The following SH3RF2 variants were observed in gnomAD, a reference collection of about 807,000 sequenced individuals.
The protein encoded by SH3RF2 is SH3 domain containing ring finger 2, also known as E3 ubiquitin-protein ligase SH3RF2.
SH3RF2 carries 43 observed loss-of-function variants against 59.0 expected under a neutral mutation model. That is an observed-to-expected ratio of 0.73 (90% confidence interval 0.57 to 0.94). The LOEUF is 0.94. Among genes scored for constraint, SH3RF2 ranks in the 40% least tolerant of loss-of-function variants. SH3RF2 has a pLI of 0.00. For synonymous variants in SH3RF2, 391 were observed against 391.5 expected (o/e 1.00, Z 0.01); for missense variants, 930 against 940.1 (o/e 0.99, Z 0.14).
At chr5:145,998,114 T>G (rs887980733) in intron 2 of SH3RF2, 2 of 495,476 alleles carry the variant, frequency 4.0e-6, no homozygotes, top group African/African-American at 1.9e-5. Context: ...CATAGAGTAT[T>G]ATTTAAACCA....
At chr5:146,074,663 C>G (rs1763306937) in intron 9 of SH3RF2, among the ~76,000 whole-genome samples, 1 of 152,104 alleles carries the variant, frequency 6.6e-6, no homozygotes, top group Non-Finnish European at 1.5e-5. Flanking sequence ...AATATAATTT[C>G]CTTCGTTATC....
rs1233044439 is a variant in SH3RF2, at chr5:146,049,104, A to G, written c.1181A>G (p.His394Arg). 2.5e-6 allele frequency: 4 copies of G among 1,613,940 alleles called. No homozygotes were observed. The Admixed American group carries it at 5.0e-5, about 20-fold the overall frequency. ...GTAGCCCTGCACTCCTACTCAGCCC[A>G]TGGACCCGATGAGCTGGACCTGCAA... ...MFVALHSYSA[H>R]GPDELDLQKG... is the part of the protein sequence containing the mutation. Residue 394 changes from histidine (H) to arginine (R), a missense_variant, in exon 7 of 10, where the codon CAT (histidine) becomes CGT (arginine). By Grantham distance (29) the His-to-Arg change is conservative. Transcript: ENST00000359120.
rs376465734 is a variant in SH3RF2, at chr5:146,059,999, C to G, written c.1689C>G (p.Pro563=). 10 of 1,597,564 alleles carry G rather than the reference C, an allele frequency of 6.3e-6. No individual in the cohort carries two copies. Among genetic ancestry groups the G allele is most frequent in the African/African-American group, 5.4e-5 (4 of 74,522 alleles). ...FYQPQGIPSS[P]SAVVVEMGSK... is the part of the protein sequence containing the mutation. ...AGCCACAGGGGATCCCCTCCTCCCC[C>G]TCAGCCGTGGTGGTGGAGATGGGGT... Residue 563 remains proline, a synonymous_variant, in exon 9 of 10, where the codon CCC becomes CCG. Coordinates refer to ENST00000359120, the MANE Select transcript of SH3RF2 (RefSeq NM_152550.4).
intron 5 of SH3RF2, among the ~76,000 whole-genome samples, chr5:146,015,868 G>A (rs942755819): frequency 4.6e-5 from 7 of 152,188 alleles, no homozygotes; most frequent in African/African-American, 1.4e-4. Flanking sequence ...TGGATTATAA[G>A]TATTTCTACA....
chr5:145,992,309 G>A (rs1197494306), intron 2 of SH3RF2, among the ~76,000 whole-genome samples: 2 of 152,160 alleles, frequency 1.3e-5, no homozygotes, highest in Non-Finnish European at 2.9e-5. Flanking sequence ...GGGAGGTTGA[G>A]GCTACAGAGG....
chr5:145,997,626 C>T, intron 2 of SH3RF2: 1 of 1,584,816 alleles, frequency 6.3e-7, no homozygotes, highest in Non-Finnish European at 8.6e-7. Flanking sequence ...TACTTATCCT[C>T]TGGGACTGGC....
At chr5:146,027,162 G>C (rs1761557316) in intron 5 of SH3RF2, among the ~76,000 whole-genome samples, 1 of 152,214 alleles carries the variant, frequency 6.6e-6, no homozygotes, top group South Asian at 2.1e-4. Context: ...TCCAGAATTA[G>C]GGAAGGAGTG....
intron 9 of SH3RF2, among the ~76,000 whole-genome samples, chr5:146,068,356 C>T (rs1763153043): frequency 6.6e-6 from 1 of 152,214 alleles, no homozygotes; most frequent in East Asian, 1.9e-4. Context: ...CCTATCAAGT[C>T]TCTCCAGCTG....
chr5:146,069,111 C>T (rs1290520365), intron 9 of SH3RF2, among the ~76,000 whole-genome samples: 1 of 152,116 alleles, frequency 6.6e-6, no homozygotes, highest in African/African-American at 2.4e-5. Flanking sequence ...TTGGTAAACA[C>T]TACTCAAAGC....
chr5:145,968,849 A>G (rs1463379784), intron 2 of SH3RF2, among the ~76,000 whole-genome samples: 1 of 152,264 alleles, frequency 6.6e-6, no homozygotes, highest in Non-Finnish European at 1.5e-5. Context: ...TATATGCCTC[A>G]AACTATGGAC....
chr5:145,980,727 G>A (rs1474961906), intron 2 of SH3RF2, among the ~76,000 whole-genome samples: 4 of 152,028 alleles, frequency 2.6e-5, no homozygotes, highest in Admixed American at 1.3e-4. Context: ...GTGCCTTTTT[G>A]CCCATACTCT....
chr5:145,972,545 G>A (rs1453700693), intron 2 of SH3RF2, among the ~76,000 whole-genome samples: 2 of 152,174 alleles, frequency 1.3e-5, no homozygotes, highest in East Asian at 1.9e-4. Context: ...CCATTCACAC[G>A]GCAATCATCA....
At chr5:146,018,478 GTATATCTA>G (rs929323303) in intron 5 of SH3RF2, among the ~76,000 whole-genome samples, 11 of 151,550 alleles carry the variant, frequency 7.3e-5, no homozygotes, top group African/African-American at 2.4e-4. Context: ...ATGTATGTAT[GTATATCTA>G]TATATCTATA....
chr5:145,953,299 G>A (rs1758263821), intron 2 of SH3RF2, among the ~76,000 whole-genome samples: 1 of 152,190 alleles, frequency 6.6e-6, no homozygotes, highest in Admixed American at 6.5e-5. Context: ...ATACCTGAAG[G>A]ATGAGAGGAA....
chr5:146,003,923 G>T (rs1183922408), intron 3 of SH3RF2, 135 bp from the exon 4 acceptor site: 8 of 567,510 alleles, frequency 1.4e-5, no homozygotes, highest in Non-Finnish European at 2.0e-5. Flanking sequence ...TTAGCAAAAA[G>T]ACTTCCCAAA....
intron 8 of SH3RF2, among the ~76,000 whole-genome samples, chr5:146,058,333 C>G (rs185052663): frequency 1.3e-5 from 2 of 152,204 alleles, no homozygotes; most frequent in Admixed American, 1.3e-4. Flanking sequence ...CAAGGTGAGG[C>G]TGGCAAGCTA....
chr5:145,958,271 AC>A (rs1389469420), intron 2 of SH3RF2, among the ~76,000 whole-genome samples: 3 of 152,142 alleles, frequency 2.0e-5, no homozygotes, highest in African/African-American at 7.2e-5. Flanking sequence ...ACTAGGCGGA[AC>A]CCTGTAAGGC....
At chr5:145,999,210 C>T (rs370631623) in intron 2 of SH3RF2, among the ~76,000 whole-genome samples, 1 of 152,136 alleles carries the variant, frequency 6.6e-6, no homozygotes, top group Non-Finnish European at 1.5e-5. Flanking sequence ...GCAGCTTCCT[C>T]ATCTCTCTCA....
intron 3 of SH3RF2, among the ~76,000 whole-genome samples, chr5:146,003,563 G>C (rs1351116503): frequency 6.6e-6 from 1 of 152,114 alleles, no homozygotes; most frequent in Admixed American, 6.5e-5. Context: ...TTGCTTATCT[G>C]TATTTTCAAA....
Sources: allele counts gnomAD v4.1 joint callset (sites outside exome capture counted in the v4.1 genomes callset), GRCh38; gene constraint gnomAD v4.1.1; transcripts MANE v1.5; gene names NCBI Gene and HGNC (gene_info 2026-07-23, HGNC 2026-07-21).